MGST3: variants seen among roughly 807,000 people sequenced by gnomAD.
MGST3 encodes glutathione S-transferase 3, mitochondrial.
Under a neutral mutation model 15.8 loss-of-function variants are expected in MGST3, and 13 were observed. The ratio of observed to expected loss-of-function variants is 0.82; its 90% CI spans 0.54 to 1.31. The LOEUF (loss-of-function observed/expected upper bound fraction) is 1.31. Among genes scored for constraint, MGST3 ranks in the 50% most tolerant of loss-of-function variants. The probability of loss-of-function intolerance (pLI) is 0.00; values close to 1 mark genes in which losing one functional copy is unlikely to be tolerated. For synonymous variants in MGST3, 49 were observed against 68.1 expected (o/e 0.72, Z 1.38); for missense variants, 155 against 192.4 (o/e 0.81, Z 1.15).
intron 1 of MGST3, chr1:165,647,036 C>G (rs1373958299): frequency 2.0e-5 from 3 of 152,240 alleles, no homozygotes; most frequent in Admixed American, 6.5e-5. Context: ...CCTCTGCAAA[C>G]CACTGCTGTA....
chr1:165,652,149 T>G, intron 4 of MGST3, 114 bp downstream of exon 4: 4 of 797,800 alleles, frequency 5.0e-6, no homozygotes, highest in Non-Finnish European at 8.9e-6. Context: ...AGGCACTGCA[T>G]ATTTAAAAGG....
chr1:165,638,581 C>T (rs929191336), intron 1 of MGST3, among the ~76,000 whole-genome samples: 1 of 151,998 alleles, frequency 6.6e-6, no homozygotes, highest in African/African-American at 2.4e-5. Context: ...GTCAGGAGTT[C>T]AAGACCAGCC....
At chr1:165,647,947 A>T (rs1416312456) in intron 1 of MGST3, 1 of 152,218 alleles carries the variant, frequency 6.6e-6, no homozygotes, top group African/African-American at 2.4e-5. Context: ...GGTGTGAGCC[A>T]CCATGCTTAG....
intron 1 of MGST3, among the ~76,000 whole-genome samples, chr1:165,644,379 T>G (rs533380742): frequency 2.8e-4 from 43 of 152,346 alleles, no homozygotes; most frequent in African/African-American, 9.9e-4. Context: ...TGGTATGTAT[T>G]TGTGTGTCTA....
intron 1 of MGST3, chr1:165,647,987 G>T (rs912029126): frequency 2.0e-5 from 3 of 152,196 alleles, no homozygotes; most frequent in African/African-American, 7.2e-5. Flanking sequence ...TGACCTGTTT[G>T]CCCCAGATGT....
intron 1 of MGST3, among the ~76,000 whole-genome samples, chr1:165,644,635 G>A (rs147737697): frequency 1.3e-5 from 2 of 152,266 alleles, no homozygotes; most frequent in East Asian, 3.8e-4. Flanking sequence ...TCAATAATAA[G>A]TTAAACTAGA....
chr1:165,636,520 G>T (rs1019945150), intron 1 of MGST3, among the ~76,000 whole-genome samples: 1 of 152,126 alleles, frequency 6.6e-6, no homozygotes, highest in African/African-American at 2.4e-5. Context: ...TGGATCACCT[G>T]AGGTCAGGAG....
intron 1 of MGST3, among the ~76,000 whole-genome samples, chr1:165,648,234 AGT>A (rs1648460324): frequency 6.6e-6 from 1 of 152,250 alleles, no homozygotes; most frequent in South Asian, 2.1e-4. Flanking sequence ...AGCCCGCTGC[AGT>A]GTGTGCCCCC....
chr1:165,641,213 G>T (rs1469343125), intron 1 of MGST3, among the ~76,000 whole-genome samples: 4 of 152,150 alleles, frequency 2.6e-5, no homozygotes, highest in Non-Finnish European at 4.4e-5. Context: ...ACTCCCTGAA[G>T]CTGTTTTTTG....
At chr1:165,634,263 G>A (rs1336183211) in intron 1 of MGST3, among the ~76,000 whole-genome samples, 2 of 152,146 alleles carry the variant, frequency 1.3e-5, no homozygotes, top group African/African-American at 2.4e-5. Flanking sequence ...CTGCTTGGGG[G>A]TGTGGGGATC....
chr1:165,651,819 C>T lies in MGST3; in HGVS notation c.192-159C>T, dbSNP rs970633998. 3.7e-5 allele frequency: 21 copies of T among 561,988 alleles called. 1 individual carries two copies. The highest frequency in any genetic ancestry group is 1.3e-4 in the Admixed American group (4 of 31,486). 34.8% of individuals were successfully genotyped at this position (561,988 alleles called of 1,614,324 possible). A position where few individuals can be genotyped will look rare whatever the true frequency, so the allele number is the denominator to read the frequency against. Reference sequence around the variant, plus strand: ...CTGAGGCATGAGAATTACTTGAACCCGGGAGGCGGAGGTTGCAGTGAGCTG... The same window carrying T: ...CTGAGGCATGAGAATTACTTGAACCTGGGAGGCGGAGGTTGCAGTGAGCTG... On this transcript the variant is annotated intron_variant, in intron 3 of 5. Transcript: ENST00000367889.
chr1:165,650,078 G>A, intron 2 of MGST3, 114 bp downstream of exon 2: 1 of 1,491,200 alleles, frequency 6.7e-7, no homozygotes, highest in Non-Finnish European at 9.2e-7. Context: ...GTGAGAAGTG[G>A]CAGTTTCAGG....
At chr1:165,636,042 A>C (rs370169224) in intron 1 of MGST3, among the ~76,000 whole-genome samples, 5 of 152,172 alleles carry the variant, frequency 3.3e-5, no homozygotes, top group African/African-American at 1.2e-4. Context: ...TCTGGCTGTC[A>C]TGAAGGTTTG....
At chr1:165,651,740 C>G (rs965802430) in intron 3 of MGST3, 2 of 447,474 alleles carry the variant, frequency 4.5e-6, no homozygotes, top group African/African-American at 4.0e-5. Context: ...CCCATCTCTA[C>G]AAAACTTAGC....
At chr1:165,650,691 T>C (rs953262029) in intron 2 of MGST3, 2 of 378,486 alleles carry the variant, frequency 5.3e-6, no homozygotes. Context: ...TTCCCTACAG[T>C]ATCTTTGTAA....
chr1:165,632,363 G>A, intron 1 of MGST3: 1 of 1,390,960 alleles, frequency 7.2e-7, no homozygotes, highest in Admixed American at 1.7e-5. Context: ...CTTCTCTTGG[G>A]AAATCTGTAG....
chr1:165,637,149 A>G (rs1018671852), intron 1 of MGST3: 3 of 152,350 alleles, frequency 2.0e-5, no homozygotes, highest in African/African-American at 7.2e-5. Context: ...AATGGCTTCA[A>G]GTTAATCTGT....
intron 1 of MGST3, among the ~76,000 whole-genome samples, chr1:165,633,209 G>A (rs1012373952): frequency 2.6e-5 from 4 of 152,166 alleles, no homozygotes; most frequent in Non-Finnish European, 5.9e-5. Flanking sequence ...AAATTCCTGA[G>A]TTTCTGTCAC....
intron 1 of MGST3, chr1:165,647,418 G>A (rs1202997244): frequency 6.6e-6 from 1 of 152,192 alleles, no homozygotes; most frequent in African/African-American, 2.4e-5. Context: ...AAATTTGAAT[G>A]TGTTACCTGG....
Sources: gnomAD v4.1 joint callset for allele counts (sites outside exome capture counted in the v4.1 genomes callset) on GRCh38, gnomAD v4.1.1 for gene constraint, MANE v1.5 for transcripts, NCBI Gene and HGNC (gene_info 2026-07-23, HGNC 2026-07-21) for gene names.